MYO10: variants seen among roughly 807,000 people sequenced by gnomAD.
MYO10 encodes the protein unconventional myosin-X.
Under a neutral mutation model 257.3 loss-of-function variants are expected in MYO10, and 133 were observed. The ratio of observed to expected loss-of-function variants is 0.52; its 90% confidence interval spans 0.45 to 0.60. MYO10 has a LOEUF of 0.60. Ranked by LOEUF, MYO10 falls within the 20% of genes least tolerant of loss-of-function variation. The pLI is 0.00. For missense variants in MYO10, 2,399 were observed against 2,635.7 expected (o/e 0.91, Z 1.97); for synonymous variants, 1,104 against 1,028.6 (o/e 1.07, Z -1.40).
intron 19 of MYO10, among the ~76,000 whole-genome samples, chr5:16,731,833 T>C (rs1398892564): frequency 6.6e-6 from 1 of 152,226 alleles, no homozygotes; most frequent in East Asian, 1.9e-4. Flanking sequence ...CTGGGAGTGT[T>C]GTCACGTGCT....
rs777968405 is a variant in MYO10, at chr5:16,685,705, GC to G, written c.3990+32del. On this transcript the variant is annotated intron_variant, in intron 29 of 40. Coordinates refer to ENST00000513610, the MANE Select transcript of MYO10 (RefSeq NM_012334.3). ...GCCCTCCCCGTCCCTGCCCCTAGAC[GC>G]CCCACCCCCATCCCACACAGTGCTC... 71 of 679,790 alleles carry G rather than the reference GC, an allele frequency of 1.0e-4. No individual in the cohort carries two copies. In the African/African-American group the frequency reaches 1.3e-3, roughly 13 times the overall value. 42.1% of individuals were successfully genotyped at this position (679,790 alleles called of 1,614,324 possible).
In MYO10 at chr5:16,670,728, CGGAAGCTCCGCCTCAGGGTCCCCTCTA is replaced by C; in HGVS notation, c.5654_5680del (p.Leu1885_Phe1893del). 1 of 1,614,016 alleles carries C rather than the reference CGGAAGCTCCGCCTCAGGGTCCCCTCTA, an allele frequency of 6.2e-7. No individual in the cohort carries two copies. Among genetic ancestry groups the C allele is most frequent in the African/African-American group, 1.3e-5 (1 of 75,048 alleles). On this transcript the variant is annotated inframe_deletion, in exon 39 of 41. Transcript: ENST00000513610. ...CTTCTGCCGGACCACGGATCCTGTC[CGGAAGCTCCGCCTCAGGGTCCCCTCTA>C]GGAAGCTCGTCCGCCTCTTCTCCAG...
intron 19 of MYO10, among the ~76,000 whole-genome samples, chr5:16,725,195 T>C (rs1404604350): frequency 6.7e-6 from 1 of 148,206 alleles, no homozygotes; most frequent in African/African-American, 2.5e-5. Flanking sequence ...CAAGCGATTC[T>C]CCTGCCTTAG....
At chr5:16,754,994 T>A in intron 18 of MYO10, 86 bp from the exon 19 acceptor site, 1 of 793,966 alleles carries the variant, frequency 1.3e-6, no homozygotes. Context: ...GAAACAATAA[T>A]TTAAAAAACA....
At chr5:16,812,798 G>T (rs1051787198) in intron 3 of MYO10, among the ~76,000 whole-genome samples, 3 of 152,144 alleles carry the variant, frequency 2.0e-5, no homozygotes, top group African/African-American at 7.2e-5. Context: ...TATGATATCT[G>T]ACCTTTGAAA....
At position 16,703,154 on chromosome 5, in the gene MYO10, G is replaced by GT; in HGVS notation, c.2280dup (p.Gln761ThrfsTer113). 6.3e-7 allele frequency: 1 copy of GT among 1,589,372 alleles called. No individual in the cohort carries two copies. Among genetic ancestry groups the GT allele is most frequent in the Non-Finnish European group, 8.6e-7 (1 of 1,166,306 alleles). On this transcript the variant is annotated frameshift_variant, in exon 23 of 41. Coordinates refer to ENST00000513610, the MANE Select transcript of MYO10 (RefSeq NM_012334.3). LOFTEE classifies it high-confidence loss of function. ...ACACAATAAAGGACCTTTCTGTATTGTTTTCTGAAAATGAAAGAAAACAAG... is the reference window on the plus strand; with the variant it reads ...ACACAATAAAGGACCTTTCTGTATTGTTTTTCTGAAAATGAAAGAAAACAAG...
chr5:16,829,303 A>T (rs1231820944), intron 2 of MYO10, among the ~76,000 whole-genome samples: 1 of 152,210 alleles, frequency 6.6e-6, no homozygotes, highest in Non-Finnish European at 1.5e-5. Context: ...GGGAGGGCAC[A>T]GAATCTTCTC....
intron 19 of MYO10, among the ~76,000 whole-genome samples, chr5:16,739,994 A>C (rs567944334): frequency 6.6e-6 from 1 of 152,196 alleles, no homozygotes; most frequent in African/African-American, 2.4e-5. Flanking sequence ...CTTGCCGGAG[A>C]AAAAAACAAG....
chr5:16,695,386 C>A (rs1400573052), intron 26 of MYO10, among the ~76,000 whole-genome samples: 2 of 152,278 alleles, frequency 1.3e-5, no homozygotes, highest in African/African-American at 4.8e-5. Context: ...AATGTGCGAA[C>A]AAGAATTATC....
chr5:16,765,849 C>A (rs1268134172), intron 11 of MYO10, among the ~76,000 whole-genome samples: 4 of 152,186 alleles, frequency 2.6e-5, no homozygotes, highest in Non-Finnish European at 5.9e-5. Context: ...GACCCATCCT[C>A]TTAAACAACA....
At chr5:16,732,862 G>A (rs778751461) in intron 19 of MYO10, among the ~76,000 whole-genome samples, 2 of 152,192 alleles carry the variant, frequency 1.3e-5, no homozygotes, top group Non-Finnish European at 2.9e-5. Context: ...AGCTGAGCGC[G>A]GTGGCTCATG....
chr5:16,880,295 A>G (rs166225), intron 1 of MYO10, among the ~76,000 whole-genome samples: 74,248 of 151,868 alleles, frequency 0.49, 18,497 homozygotes, highest in Admixed American at 0.55. Context: ...GCGGGCCAAC[A>G]GGAATCCCCA....
intron 1 of MYO10, among the ~76,000 whole-genome samples, chr5:16,892,970 C>T (rs1217740965): frequency 2.0e-5 from 3 of 151,950 alleles, no homozygotes; most frequent in Non-Finnish European, 4.4e-5. Flanking sequence ...CCGAGGCGGG[C>T]AGATCACGAG....
chr5:16,781,046 T>G (rs1318632781), intron 6 of MYO10, among the ~76,000 whole-genome samples: 2 of 152,158 alleles, frequency 1.3e-5, no homozygotes, highest in Admixed American at 6.6e-5. Flanking sequence ...TATCAGAGAT[T>G]TATAAAACAA....
intron 2 of MYO10, among the ~76,000 whole-genome samples, chr5:16,829,926 T>C (rs1297858119): frequency 6.6e-6 from 1 of 151,632 alleles, no homozygotes; most frequent in Non-Finnish European, 1.5e-5. Flanking sequence ...CACACAAGAA[T>C]ATACTAGGAT....
At chr5:16,783,566 G>A (rs1741488230) in intron 4 of MYO10, 97 bp from the exon 5 acceptor site, 2 of 1,304,894 alleles carry the variant, frequency 1.5e-6, no homozygotes, top group Admixed American at 2.5e-5. Context: ...ACAGAACAAT[G>A]GTAGAAAGGT....
At position 16,666,414 on chromosome 5, in the gene MYO10, G is replaced by C. The variant is rs924095825; in HGVS notation, c.*278C>G. On this transcript the variant is annotated 3_prime_UTR_variant, in exon 41 of 41. Transcript: ENST00000513610. ...AGTTAAGGCACTTCCGGCTGCTTTGGTGGCAGCGTGGTTCCTCCCCTCCTT... is the reference window on the plus strand; with the variant it reads ...AGTTAAGGCACTTCCGGCTGCTTTGCTGGCAGCGTGGTTCCTCCCCTCCTT... The C allele has an allele frequency of 2.7e-6, 1 of 377,142 alleles. No homozygotes were observed. The highest frequency in any genetic ancestry group is 2.1e-5 in the African/African-American group (1 of 47,942). 23.4% of individuals were successfully genotyped at this position (377,142 alleles called of 1,614,324 possible). A position where few individuals can be genotyped will look rare whatever the true frequency, so the allele number is the denominator to read the frequency against.
At chr5:16,813,847 A>C (rs1446563685) in intron 3 of MYO10, among the ~76,000 whole-genome samples, 1 of 152,196 alleles carries the variant, frequency 6.6e-6, no homozygotes, top group East Asian at 1.9e-4. Flanking sequence ...ATTTGAAGCC[A>C]TGAGAGGGAA....
At position 16,665,678 on chromosome 5, in the gene MYO10, T is replaced by C. The variant is rs1423797262; in HGVS notation, c.*1014A>G. ...TATATCTGTAATCTATCCAGAATGA[T>C]AGAAGCTAACCTTCCAAGTAACACT... is the stretch of plus-strand genomic sequence containing the variant. On this transcript the variant is annotated 3_prime_UTR_variant, in exon 41 of 41. Coordinates refer to ENST00000513610, the MANE Select transcript of MYO10 (RefSeq NM_012334.3). The C allele has an allele frequency of 1.3e-5, 2 of 152,556 alleles. No homozygotes were observed. Among genetic ancestry groups the C allele is most frequent in the African/African-American group, 2.4e-5 (1 of 41,474 alleles). 9.5% of individuals were successfully genotyped at this position (152,556 alleles called of 1,614,324 possible). A position where few individuals can be genotyped will look rare whatever the true frequency, so the allele number is the denominator to read the frequency against.
Sources: allele counts gnomAD v4.1 joint callset (sites outside exome capture counted in the v4.1 genomes callset), GRCh38; gene constraint gnomAD v4.1.1; transcripts MANE v1.5; gene names NCBI Gene and HGNC (gene_info 2026-07-23, HGNC 2026-07-21).